The following TECRL variants were observed in gnomAD, a reference collection of about 807,000 sequenced individuals.
TECRL encodes the protein trans-2,3-enoyl-CoA reductase-like.
In TECRL, 63 loss-of-function variants were observed where a neutral mutation model predicts 52.8. The observed-to-expected ratio is 1.19, with a 90% CI of 0.97 to 1.47. TECRL has a LOEUF of 1.47. Ranked by LOEUF, TECRL falls within the 40% of genes most tolerant of loss-of-function variation. The pLI is 0.00. For synonymous variants in TECRL, 164 were observed against 141.9 expected, an observed-to-expected ratio of 1.16 and a Z score of -1.10; for missense variants, 482 against 429.6, an observed-to-expected ratio of 1.12 and a Z score of -1.08.
intron 2 of TECRL, among the ~76,000 whole-genome samples, chr4:64,369,137 G>A (rs1721817115): frequency 6.6e-6 from 1 of 152,102 alleles, no homozygotes; most frequent in Non-Finnish European, 1.5e-5. Context: ...TGGGCAAAAT[G>A]ATTTTGCTTT....
At chr4:64,372,151 G>A (rs564083536) in intron 2 of TECRL, among the ~76,000 whole-genome samples, 33 of 151,838 alleles carry the variant, frequency 2.2e-4, no homozygotes, top group Admixed American at 1.1e-3. Flanking sequence ...GTACATTAGC[G>A]TGAAAATTTC....
intron 9 of TECRL, among the ~76,000 whole-genome samples, chr4:64,282,216 T>C (rs950830793): frequency 2.6e-5 from 4 of 151,982 alleles, no homozygotes; most frequent in Non-Finnish European, 4.4e-5. Context: ...TTCACTTGTT[T>C]TTAAGAAACA....
rs762325165 is a variant in TECRL at position 64,409,277 on chromosome 4, T to G, written c.75A>C (p.Ile25=). ...GAAAATTTCTCATATCATCCTTCAG[T>G]ATGAACCGTGTAGCTCTTTGGGAAA... is the stretch of plus-strand genomic sequence containing the variant. ...ALLSQRATRF[I]LKDDMRNFHF... is the part of the protein sequence containing the mutation. Residue 25 remains isoleucine, a synonymous_variant, in exon 1 of 12, where the codon ATA becomes ATC. Coordinates refer to ENST00000381210, the MANE Select transcript of TECRL (RefSeq NM_001010874.5). 6.2e-7 allele frequency: 1 copy of G among 1,613,880 alleles called. No individual in the cohort carries two copies. The highest frequency in any genetic ancestry group is 2.2e-5 in the East Asian group (1 of 44,844).
intron 2 of TECRL, among the ~76,000 whole-genome samples, chr4:64,373,543 T>C (rs1722128078): frequency 6.6e-6 from 1 of 151,238 alleles, no homozygotes; most frequent in Middle Eastern, 3.4e-3. Flanking sequence ...TGTCTATTAG[T>C]TGACATAAAT....
chr4:64,335,420 G>A (rs1477013627), intron 2 of TECRL, among the ~76,000 whole-genome samples: 1 of 152,136 alleles, frequency 6.6e-6, no homozygotes, highest in Non-Finnish European at 1.5e-5. Flanking sequence ...AACAAGTTCA[G>A]GGCTGCCACT....
chr4:64,409,142 C>T lies in TECRL; in HGVS notation c.210G>A (p.Arg70=), dbSNP rs1306359996. Reference sequence around the variant, plus strand: ...CCTTATCCAGAATACATATCTGTTTCCTTGTTTGAGCATCAAATATTTCAA... The same window carrying T: ...CCTTATCCAGAATACATATCTGTTTTCTTGTTTGAGCATCAAATATTTCAA... The part of the protein sequence containing the change: ...FEIEIFDAQT[R]KQICILDKVT... The change falls in exon 1 of 12, where the codon AGG becomes AGA. Residue 70 remains arginine (R), a synonymous_variant. Coordinates refer to ENST00000381210, the MANE Select transcript of TECRL (RefSeq NM_001010874.5). 2 of 1,611,754 alleles carry T rather than the reference C, an allele frequency of 1.2e-6. No homozygotes were observed. The highest frequency in any genetic ancestry group is 1.7e-6 in the Non-Finnish European group (2 of 1,179,112).
intron 9 of TECRL, 56 bp downstream of exon 9, chr4:64,289,654 A>C: frequency 1.6e-6 from 2 of 1,279,500 alleles, no homozygotes; most frequent in East Asian, 6.0e-5. Context: ...TAAGATTATA[A>C]AAATAATTGT....
intron 2 of TECRL, among the ~76,000 whole-genome samples, chr4:64,347,508 G>A (rs968258281): frequency 5.3e-5 from 8 of 152,142 alleles, no homozygotes; most frequent in Non-Finnish European, 7.3e-5. Context: ...AATTTATAAG[G>A]AAAGAGGTTT....
intron 4 of TECRL, among the ~76,000 whole-genome samples, chr4:64,321,181 A>C (rs544891802): frequency 1.3e-5 from 2 of 152,174 alleles, no homozygotes; most frequent in South Asian, 4.1e-4. Flanking sequence ...TTACATGGGA[A>C]ATATATCTTA....
rs1578011790 is a variant in TECRL, at chr4:64,409,172, A to T, written c.180T>A (p.Phe60Leu). 1 of 1,613,114 alleles carries T rather than the reference A, an allele frequency of 6.2e-7. No individual in the cohort carries two copies. The highest frequency in any genetic ancestry group is 2.2e-5 in the East Asian group (1 of 44,822). ...TTTGAGCATCAAATATTTCAATCTC[A>T]AAGTGAGTCGTTTTTGAATGTTTGA... ...PAVKHSKTTH[F>L]EIEIFDAQTR... The change falls in exon 1 of 12, where the codon TTT (phenylalanine) becomes TTA (leucine). Residue 60 changes from phenylalanine to leucine, a missense_variant. By Grantham distance (22) the Phe-to-Leu change is conservative. Coordinates refer to ENST00000381210, the MANE Select transcript of TECRL (RefSeq NM_001010874.5).
At chr4:64,373,755 A>T (rs1722143813) in intron 2 of TECRL, among the ~76,000 whole-genome samples, 1 of 151,306 alleles carries the variant, frequency 6.6e-6, no homozygotes, top group South Asian at 2.1e-4. Context: ...CTGTAATCTA[A>T]ACTGTCTGGA....
intron 2 of TECRL, among the ~76,000 whole-genome samples, chr4:64,337,876 A>G (rs1719229074): frequency 6.6e-6 from 1 of 152,200 alleles, no homozygotes; most frequent in Admixed American, 6.5e-5. Context: ...TTATAGATTC[A>G]ATGCCATCCC....
downstream of TECRL, chr4:64,277,092 C>A: frequency 7.2e-7 from 1 of 1,398,334 alleles, no homozygotes. Flanking sequence ...AAACACATTT[C>A]ATAATTAAGA....
At chr4:64,332,787 A>C (rs1240457236) in intron 2 of TECRL, among the ~76,000 whole-genome samples, 3 of 152,176 alleles carry the variant, frequency 2.0e-5, no homozygotes, top group African/African-American at 7.2e-5. Context: ...AAAATATCCC[A>C]ACTAAAGCAA....
intron 1 of TECRL, among the ~76,000 whole-genome samples, chr4:64,375,797 A>G (rs150193852): frequency 2.0e-4 from 31 of 151,998 alleles, no homozygotes; most frequent in African/African-American, 5.8e-4. Context: ...AATATTTGGT[A>G]CTAAATTACT....
intron 8 of TECRL, among the ~76,000 whole-genome samples, chr4:64,294,982 C>T (rs1723598081): frequency 6.6e-6 from 1 of 151,840 alleles, no homozygotes; most frequent in Admixed American, 6.6e-5. Context: ...TATCACAATG[C>T]TTCAGCATTC....
chr4:64,354,723 T>C (rs1720644635), intron 2 of TECRL, among the ~76,000 whole-genome samples: 1 of 152,128 alleles, frequency 6.6e-6, no homozygotes, highest in South Asian at 2.1e-4. Flanking sequence ...ATAGAGCAGT[T>C]GATAAAATAT....
chr4:64,323,793 G>A (rs567704951), intron 3 of TECRL, among the ~76,000 whole-genome samples: 101 of 152,212 alleles, frequency 6.6e-4, no homozygotes, highest in African/African-American at 2.3e-3. Context: ...TTTTTGGCCC[G>A]AGTACTTAAA....
At chr4:64,349,942 G>T (rs958246722) in intron 2 of TECRL, among the ~76,000 whole-genome samples, 1 of 152,142 alleles carries the variant, frequency 6.6e-6, no homozygotes. Context: ...TATTTTTTCA[G>T]AGTTGATTTC....
Sources: gnomAD v4.1 joint callset for allele counts (sites outside exome capture counted in the v4.1 genomes callset) on GRCh38, gnomAD v4.1.1 for gene constraint, MANE v1.5 for transcripts, NCBI Gene and HGNC (gene_info 2026-07-23, HGNC 2026-07-21) for gene names.